The following USP6NL variants were observed in gnomAD, a reference collection of about 807,000 sequenced individuals.
USP6NL encodes the protein USP6 N-terminal-like protein.
USP6NL carries 26 observed loss-of-function variants against 61.9 expected under a neutral mutation model. That is an observed-to-expected ratio of 0.42 (90% CI 0.31 to 0.58). The LOEUF is 0.58. Ranked by LOEUF, USP6NL falls within the 20% of genes least tolerant of loss-of-function variation. USP6NL has a pLI of 0.16. For missense variants in USP6NL, 1,114 were observed against 1,034.3 expected (o/e 1.08, Z -1.06); for synonymous variants, 432 against 390.1 (o/e 1.11, Z -1.27).
chr10:11,534,416 C>G (rs1042701365), intron 2 of USP6NL, among the ~76,000 whole-genome samples: 1 of 152,160 alleles, frequency 6.6e-6, no homozygotes, highest in East Asian at 1.9e-4. Flanking sequence ...TTGCCGCAGG[C>G]CAAAATTAGA....
At chr10:11,551,025 T>C (rs922403746) in intron 2 of USP6NL, among the ~76,000 whole-genome samples, 1 of 152,218 alleles carries the variant, frequency 6.6e-6, no homozygotes, top group African/African-American at 2.4e-5. Context: ...TCCTGCAGCA[T>C]GCGTGAAAAT....
intron 2 of USP6NL, among the ~76,000 whole-genome samples, chr10:11,534,765 T>A (rs1835773304): frequency 6.6e-6 from 1 of 152,226 alleles, no homozygotes. Flanking sequence ...CCTACACACC[T>A]CATCATAATA....
chr10:11,498,841 A>G (rs912329502), intron 7 of USP6NL, among the ~76,000 whole-genome samples: 3 of 152,116 alleles, frequency 2.0e-5, no homozygotes, highest in African/African-American at 4.8e-5. Context: ...TGAACCATAA[A>G]GGTGATTTCT....
At chr10:11,580,022 C>G (rs1837694558) in intron 2 of USP6NL, among the ~76,000 whole-genome samples, 1 of 145,482 alleles carries the variant, frequency 6.9e-6, no homozygotes, top group Non-Finnish European at 1.5e-5. Flanking sequence ...AGGTGGGGTA[C>G]TATGGCATCT....
chr10:11,462,363 C>T lies in USP6NL; in HGVS notation c.*78G>A, dbSNP rs2096217829. 6.8e-7 allele frequency: 1 copy of T among 1,476,404 alleles called. No individual in the cohort carries two copies. Among genetic ancestry groups the T allele is most frequent in the Non-Finnish European group, 9.1e-7 (1 of 1,100,458 alleles). The allele number at this position is 1,476,404 out of a possible 1,614,324, so 91.5% of individuals were successfully genotyped here. A position where few individuals can be genotyped will look rare whatever the true frequency, so the allele number is the denominator to read the frequency against. Reference sequence around the variant, plus strand: ...CGAGTTGTTTACAATAGTATAAATACTGCTTTGGCAATTATGAACATAGCA... The same window carrying T: ...CGAGTTGTTTACAATAGTATAAATATTGCTTTGGCAATTATGAACATAGCA... On this transcript the variant is annotated 3_prime_UTR_variant, in exon 15 of 15. Coordinates refer to ENST00000609104, the MANE Select transcript of USP6NL (RefSeq NM_014688.5).
rs181530103 is a variant in USP6NL, at chr10:11,573,173, A to C, written c.4+24458T>G. On this transcript the variant is annotated intron_variant, in intron 2 of 14. Transcript: ENST00000609104. Reference sequence around the variant, plus strand: ...ATTATTTTATCAGCTATTCACACAAATAAAAATCATCTAGTTCTTATGTTC... The same window carrying C: ...ATTATTTTATCAGCTATTCACACAACTAAAAATCATCTAGTTCTTATGTTC... Among the ~76,000 whole-genome samples the C allele has an allele frequency of 2.5e-4, 38 of 151,356 alleles. No individual in the cohort carries two copies. The East Asian group carries it at 6.0e-3, about 24-fold the overall frequency.
intron 1 of USP6NL, among the ~76,000 whole-genome samples, chr10:11,599,762 G>T (rs1310721621): frequency 3.0e-5 from 4 of 134,448 alleles, no homozygotes; most frequent in Non-Finnish European, 6.1e-5. Flanking sequence ...ACGTAGTCTC[G>T]CTCTGTCGCC....
intron 2 of USP6NL, among the ~76,000 whole-genome samples, chr10:11,583,184 ATTT>A (rs11432382): frequency 7.5e-6 from 1 of 133,594 alleles, no homozygotes; most frequent in African/African-American, 2.8e-5. Context: ...TATGTTTTCA[ATTT>A]TTTTTTTTTT....
In USP6NL at chr10:11,518,061, T is replaced by C. The variant is rs951411870; in HGVS notation, c.195+474A>G. ...TCTCTAAGTACTTAAAATACTAAAATACTGACCCACAGAAAACGATTTTGG... is the reference window on the plus strand; with the variant it reads ...TCTCTAAGTACTTAAAATACTAAAACACTGACCCACAGAAAACGATTTTGG... On this transcript the variant is annotated intron_variant, in intron 5 of 14. Transcript: ENST00000609104. This position sits in a 1 kb window ranked among gnomAD's most constrained non-coding sequence, Gnocchi z 5.3. Among the ~76,000 whole-genome samples the C allele has an allele frequency of 1.7e-4, 26 of 152,206 alleles. No individual in the cohort carries two copies. Among genetic ancestry groups the C allele is most frequent in the Non-Finnish European group, 2.4e-4 (16 of 68,028 alleles).
rs931748196 is a variant in USP6NL at position 11,562,381 on chromosome 10, A to C, written c.5-34814T>G. 5 of 985,282 alleles carry C rather than the reference A, an allele frequency of 5.1e-6. No homozygotes were observed. In the East Asian group the frequency reaches 3.4e-4, roughly 67 times the overall value. 61.0% of individuals were successfully genotyped at this position (985,282 alleles called of 1,614,324 possible). On this transcript the variant is annotated intron_variant, in intron 2 of 14. Coordinates refer to ENST00000609104, the MANE Select transcript of USP6NL (RefSeq NM_014688.5). The surrounding 1 kb of genome is among the most constrained non-coding windows in gnomAD (Gnocchi z 4.8). ...TTGCATTCCTTACACAGGTGACACC[A>C]ACTTCAGATTTCCCCTTTTCCTTTT...
chr10:11,550,456 T>A (rs1836439651), intron 2 of USP6NL, among the ~76,000 whole-genome samples: 1 of 152,208 alleles, frequency 6.6e-6, no homozygotes, highest in African/African-American at 2.4e-5. Context: ...GGTTTTGTTT[T>A]TTAAAAAAAG....
chr10:11,538,217 A>G (rs1187112499), intron 2 of USP6NL, among the ~76,000 whole-genome samples: 1 of 152,260 alleles, frequency 6.6e-6, no homozygotes. Context: ...AAATGCTGAC[A>G]AGATTTTATT....
chr10:11,551,181 A>C (rs1836467815), intron 2 of USP6NL, among the ~76,000 whole-genome samples: 1 of 152,252 alleles, frequency 6.6e-6, no homozygotes, highest in African/African-American at 2.4e-5. Context: ...TTTATGTGAA[A>C]GTTCATACAG....
At position 11,587,780 on chromosome 10, in the gene USP6NL, C is replaced by T. The variant is rs968406113; in HGVS notation, c.4+9851G>A. Among the ~76,000 whole-genome samples the T allele has an allele frequency of 1.3e-5, 2 of 152,108 alleles. No homozygotes were observed. Among genetic ancestry groups the T allele is most frequent in the Non-Finnish European group, 2.9e-5 (2 of 68,016 alleles). The stretch of plus-strand genomic sequence containing the variant: ...ACTAAAAGGGATCTCTCGATAAAAG[C>T]CAAAAGCCGTCTCATTTCAACGCCA... On this transcript the variant is annotated intron_variant, in intron 2 of 14. Transcript: ENST00000609104. The surrounding 1 kb of genome is among the most constrained non-coding windows in gnomAD (Gnocchi z 4.5).
intron 2 of USP6NL, among the ~76,000 whole-genome samples, chr10:11,546,318 G>A (rs1836269371): frequency 6.6e-6 from 1 of 152,192 alleles, no homozygotes; most frequent in Non-Finnish European, 1.5e-5. Flanking sequence ...ATTAGAAAAG[G>A]TGATTATCTG....
intron 2 of USP6NL, among the ~76,000 whole-genome samples, chr10:11,547,690 G>A (rs1836325944): frequency 2.0e-5 from 3 of 152,130 alleles, no homozygotes; most frequent in South Asian, 2.1e-4. Flanking sequence ...ACAGGCATCC[G>A]CCATCACGCC....
chr10:11,545,700 A>T (rs1836247334), intron 2 of USP6NL, among the ~76,000 whole-genome samples: 1 of 152,260 alleles, frequency 6.6e-6, no homozygotes, highest in African/African-American at 2.4e-5. Flanking sequence ...AACTTTCCTG[A>T]TCAATGTACC....
intron 5 of USP6NL, among the ~76,000 whole-genome samples, chr10:11,514,273 C>A (rs960863964): frequency 1.3e-5 from 2 of 151,398 alleles, no homozygotes; most frequent in Admixed American, 6.6e-5. Context: ...ACAACTCTAC[C>A]CAATGGTCTC....
rs1332656945 is a variant in USP6NL, at chr10:11,587,113, G to A, written c.4+10518C>T. On this transcript the variant is annotated intron_variant, in intron 2 of 14. Coordinates refer to ENST00000609104, the MANE Select transcript of USP6NL (RefSeq NM_014688.5). The surrounding 1 kb of genome is among the most constrained non-coding windows in gnomAD (Gnocchi z 4.5). ...AGTTCCATGATCTACAAGGCCAAGG[G>A]TCATGTCTGTCTTGTTCTTGGCTGT... Among the ~76,000 whole-genome samples the A allele has an allele frequency of 2.0e-5, 3 of 152,104 alleles. No individual in the cohort carries two copies. Among genetic ancestry groups the A allele is most frequent in the Admixed American group, 2.0e-4 (3 of 15,272 alleles).
Sources: gnomAD v4.1 joint callset for allele counts (sites outside exome capture counted in the v4.1 genomes callset) on GRCh38, gnomAD v4.1.1 for gene constraint, Gnocchi (gnomAD v3.1) non-coding constraint, MANE v1.5 for transcripts, NCBI Gene and HGNC (gene_info 2026-07-23, HGNC 2026-07-21) for gene names.